SRFBP1: variants seen among roughly 807,000 people sequenced by gnomAD.
SRFBP1 encodes serum response factor binding protein 1, also known as serum response factor-binding protein 1.
Under a neutral mutation model 45.5 loss-of-function variants are expected in SRFBP1, and 47 were observed. The observed-to-expected ratio is 1.03, with a 90% confidence interval of 0.82 to 1.32. SRFBP1 has a LOEUF of 1.32. Ranked by LOEUF, SRFBP1 falls within the 40% of genes most tolerant of loss-of-function variation. The pLI, the probability that SRFBP1 is intolerant of heterozygous loss-of-function variation, is 0.00. For missense variants in SRFBP1, 621 were observed against 484.6 expected (o/e 1.28, Z -2.64); for synonymous variants, 203 against 166.3 (o/e 1.22, Z -1.70).
At chr5:122,022,725 A>G (rs969798141) in intron 7 of SRFBP1, among the ~76,000 whole-genome samples, 11 of 152,342 alleles carry the variant, frequency 7.2e-5, no homozygotes, top group Middle Eastern at 3.4e-3. Context: ...CTAAACGCTA[A>G]TGCCATGCCG....
At chr5:122,003,346 G>GA (rs11300712) in intron 4 of SRFBP1, among the ~76,000 whole-genome samples, 5,156 of 105,954 alleles carry the variant, frequency 0.049, 285 homozygotes, top group African/African-American at 0.14. Context: ...CTGTCTCAGA[G>GA]AAAAAAAAAA....
rs1362793796 is a variant in SRFBP1 at position 122,066,756 on chromosome 5, T to G, written n.312-8559T>G. 2.5e-6 allele frequency: 4 copies of G among 1,582,922 alleles called. No individual in the cohort carries two copies. Among genetic ancestry groups the G allele is most frequent in the Admixed American group, 1.7e-5 (1 of 59,810 alleles). On this transcript the variant is annotated intron_variant and non_coding_transcript_variant, in intron 2 of 2. Coordinates refer to the SRFBP1 transcript ENST00000504881. ...TTGCTTTGCCTTCTAATACCTAGAT[T>G]AAGAAGACAAAATAAGACAAATTAT...
intron 3 of SRFBP1, among the ~76,000 whole-genome samples, 166 bp from the exon 4 acceptor site, chr5:121,994,433 A>C (rs1160556833): frequency 1.3e-5 from 2 of 152,022 alleles, no homozygotes; most frequent in African/African-American, 4.8e-5. Flanking sequence ...ATTCCGTTAT[A>C]TTCCTGATGT....
At chr5:122,047,113 T>A (rs1753875608) in intron 2 of SRFBP1, among the ~76,000 whole-genome samples, 1 of 152,248 alleles carries the variant, frequency 6.6e-6, no homozygotes, top group Non-Finnish European at 1.5e-5. Context: ...AGACATGAAG[T>A]CCTTGCCCAT....
intron 2 of SRFBP1, among the ~76,000 whole-genome samples, chr5:122,068,348 G>C (rs1169171791): frequency 6.6e-6 from 1 of 152,036 alleles, no homozygotes; most frequent in East Asian, 1.9e-4. Flanking sequence ...CTATGCAACA[G>C]ACCTCTCCAG....
intron 2 of SRFBP1, among the ~76,000 whole-genome samples, chr5:122,047,270 G>T (rs1297318483): frequency 6.6e-6 from 1 of 152,100 alleles, no homozygotes; most frequent in Non-Finnish European, 1.5e-5. Flanking sequence ...CATATGTCTA[G>T]CCAGTTTTCC....
intron 2 of SRFBP1, among the ~76,000 whole-genome samples, chr5:122,058,398 T>C (rs1580549248): frequency 6.6e-6 from 1 of 152,164 alleles, no homozygotes; most frequent in Admixed American, 6.5e-5. Flanking sequence ...AGATATTTGA[T>C]TGATTTCCTT....
At chr5:122,070,251 C>G in intron 2 of SRFBP1, 1 of 824,504 alleles carries the variant, frequency 1.2e-6, no homozygotes, top group Non-Finnish European at 2.1e-6. Context: ...TTAGCTAAAT[C>G]AAGCAGGGAA....
intron 3 of SRFBP1, among the ~76,000 whole-genome samples, chr5:121,987,784 A>G (rs556509944): frequency 3.3e-5 from 5 of 152,318 alleles, no homozygotes; most frequent in East Asian, 1.9e-4. Context: ...AAAAATGTCA[A>G]CATGGTTATT....
chr5:122,026,858 C>A, intron 7 of SRFBP1, 84 bp from the exon 8 acceptor site: 2 of 956,240 alleles, frequency 2.1e-6, no homozygotes, highest in Non-Finnish European at 2.9e-6. Flanking sequence ...CTTTTTTTAA[C>A]ATTGGTTTGA....
intron 4 of SRFBP1, among the ~76,000 whole-genome samples, chr5:121,998,137 C>T (rs565516252): frequency 6.7e-6 from 1 of 150,350 alleles, no homozygotes; most frequent in African/African-American, 2.4e-5. Context: ...ACTAGAAATA[C>T]CATTTGACCC....
intron 3 of SRFBP1, among the ~76,000 whole-genome samples, chr5:121,981,965 ATT>A (rs887341546): frequency 6.9e-6 from 1 of 145,528 alleles, no homozygotes; most frequent in Admixed American, 6.9e-5. Flanking sequence ...TTCTACTGCA[ATT>A]TTTTTTTTTT....
rs192260948 is a variant in SRFBP1, at chr5:121,974,411, T to G, written c.125+127T>G. The G allele has an allele frequency of 1.1e-5, 7 of 634,356 alleles. No individual in the cohort carries two copies. The Admixed American group carries it at 1.3e-4, about 11-fold the overall frequency. The allele number at this position is 634,356 out of a possible 1,614,324, so 39.3% of individuals were successfully genotyped here. A position where few individuals can be genotyped will look rare whatever the true frequency, so the allele number is the denominator to read the frequency against. On this transcript the variant is annotated intron_variant, in intron 2 of 7. Coordinates refer to ENST00000339397, the MANE Select transcript of SRFBP1 (RefSeq NM_152546.3). ...AATGTCTTATACACCATTTTTGTTT[T>G]GTATGCGGAGATGATGTGAGTGAGA...
At chr5:121,980,332 T>G (rs1024774188) in intron 3 of SRFBP1, among the ~76,000 whole-genome samples, 1 of 152,186 alleles carries the variant, frequency 6.6e-6, no homozygotes, top group Non-Finnish European at 1.5e-5. Flanking sequence ...TGGCACTTGA[T>G]TTAAGTGCCA....
chr5:121,997,460 A>G (rs1416099626), intron 4 of SRFBP1, among the ~76,000 whole-genome samples: 1 of 151,942 alleles, frequency 6.6e-6, no homozygotes, highest in Non-Finnish European at 1.5e-5. Context: ...CTGGCTAGCC[A>G]TATGTAGAAA....
downstream of SRFBP1, chr5:122,077,949 A>G (rs1754692827): frequency 1.3e-6 from 2 of 1,486,070 alleles, no homozygotes; most frequent in Non-Finnish European, 1.8e-6. The surrounding 1 kb of genome is among the most constrained non-coding windows in gnomAD (Gnocchi z 4.9). Context: ...CAGAGCTGCA[A>G]AGGCCCGAGC....
downstream of SRFBP1, chr5:122,077,745 T>C (rs1754683901): frequency 1.7e-5 from 27 of 1,567,664 alleles, no homozygotes; most frequent in Non-Finnish European, 2.1e-5. The surrounding 1 kb of genome is among the most constrained non-coding windows in gnomAD (Gnocchi z 4.9). Flanking sequence ...GCGGAGGCGT[T>C]GGCTGCACCA....
At chr5:121,979,558 TTC>T (rs757564615) in intron 3 of SRFBP1, among the ~76,000 whole-genome samples, 10 of 152,208 alleles carry the variant, frequency 6.6e-5, no homozygotes, top group Non-Finnish European at 7.3e-5. Flanking sequence ...CTATAATTAT[TTC>T]TGAGAGTTTT....
Position 122,042,314 on chromosome 5 carries a change from G to A in SRFBP1, n.311+19907G>A, listed in dbSNP as rs143350689. Among the ~76,000 whole-genome samples the A allele has an allele frequency of 3.0e-4, 45 of 152,104 alleles. No homozygotes were observed. The East Asian group carries it at 8.1e-3, about 27-fold the overall frequency. Reference sequence around the variant, plus strand: ...GACAGGGTCTCACTGTGTCACCCAGGTGAGTGCTATAACACGATCATGGCT... The same window carrying A: ...GACAGGGTCTCACTGTGTCACCCAGATGAGTGCTATAACACGATCATGGCT... On this transcript the variant is annotated intron_variant and non_coding_transcript_variant, in intron 2 of 2. Transcript: ENST00000504881.
Sources: gnomAD v4.1 joint callset for allele counts (sites outside exome capture counted in the v4.1 genomes callset) on GRCh38, gnomAD v4.1.1 for gene constraint, Gnocchi (gnomAD v3.1) non-coding constraint, MANE v1.5 for transcripts, NCBI Gene and HGNC (gene_info 2026-07-23, HGNC 2026-07-21) for gene names.